PACRG: variants seen among roughly 807,000 people sequenced by gnomAD.
PACRG encodes the protein parkin coregulated, also known as parkin coregulated gene protein.
A neutral mutation model predicts 29.7 loss-of-function variants in PACRG; 29 were observed. The ratio of observed to expected loss-of-function variants is 0.98; its 90% CI spans 0.73 to 1.33. The LOEUF (loss-of-function observed/expected upper bound fraction) is 1.33. PACRG is among the 40% of genes most tolerant of loss of function. The pLI, the probability that PACRG is intolerant of heterozygous loss-of-function variation, is 0.00. For missense variants in PACRG, 279 were observed against 316.2 expected (o/e 0.88, Z 0.89); for synonymous variants, 116 against 118.7 (o/e 0.98, Z 0.15).
chr6:163,010,425 TG>T (rs756298163), intron 2 of PACRG, among the ~76,000 whole-genome samples: 4 of 152,160 alleles, frequency 2.6e-5, no homozygotes, highest in Non-Finnish European at 5.9e-5. Context: ...GGTAGGAGAA[TG>T]GGCCTAAATG....
At chr6:163,063,671 C>T (rs1463727166) in intron 3 of PACRG, among the ~76,000 whole-genome samples, 2 of 152,060 alleles carry the variant, frequency 1.3e-5, no homozygotes, top group African/African-American at 2.4e-5. Flanking sequence ...TCTTTGAGGT[C>T]TCCGTAGAGA....
chr6:163,012,825 C>T (rs142067529), intron 2 of PACRG, among the ~76,000 whole-genome samples: 42 of 152,312 alleles, frequency 2.8e-4, no homozygotes, highest in African/African-American at 8.2e-4. Context: ...CCCTTTTGAA[C>T]GCACAACACA....
chr6:162,882,842 A>C (rs535527103), intron 2 of PACRG, among the ~76,000 whole-genome samples: 1 of 152,278 alleles, frequency 6.6e-6, no homozygotes, highest in South Asian at 2.1e-4. Flanking sequence ...CGTCTTCCCC[A>C]CTTTAGCAGG....
chr6:163,077,224 A>G (rs1374525475), intron 3 of PACRG, among the ~76,000 whole-genome samples: 34 of 152,220 alleles, frequency 2.2e-4, no homozygotes, highest in Admixed American at 2.2e-3. Flanking sequence ...ATTCATCTAC[A>G]TTCTCTCACG....
chr6:163,021,736 C>T (rs769360090), intron 2 of PACRG, among the ~76,000 whole-genome samples: 1 of 152,154 alleles, frequency 6.6e-6, no homozygotes, highest in Non-Finnish European at 1.5e-5. Context: ...TTCAGCTGTC[C>T]CGAATTCTGC....
chr6:163,232,899 C>T (rs988799851), intron 4 of PACRG, among the ~76,000 whole-genome samples: 21 of 152,130 alleles, frequency 1.4e-4, no homozygotes, highest in Non-Finnish European at 2.8e-4. Context: ...CCTCCACCCC[C>T]GAAACCAGCC....
At chr6:163,166,277 CAACAAA>C (rs2128344201) in intron 4 of PACRG, 1 of 418,978 alleles carries the variant, frequency 2.4e-6, no homozygotes, top group East Asian at 7.3e-5. Context: ...TCAACAACAA[CAACAAA>C]AAAATGTAGA....
At chr6:162,952,756 G>A (rs1799748002) in intron 2 of PACRG, among the ~76,000 whole-genome samples, 1 of 152,138 alleles carries the variant, frequency 6.6e-6, no homozygotes, top group African/African-American at 2.4e-5. Context: ...CCTTAGTCTG[G>A]GAAGAGGTAG....
intron 4 of PACRG, among the ~76,000 whole-genome samples, chr6:163,175,484 T>A (rs781566366): frequency 2.4e-4 from 37 of 152,028 alleles, no homozygotes; most frequent in Non-Finnish European, 4.9e-4. Context: ...CCTGTGACTC[T>A]ACTGCTCCTG....
chr6:162,750,206 C>G (rs1232395587), intron 1 of PACRG, among the ~76,000 whole-genome samples: 1 of 152,156 alleles, frequency 6.6e-6, no homozygotes, highest in Non-Finnish European at 1.5e-5. Flanking sequence ...TTATAAGAAA[C>G]CATAAATTTT....
In PACRG at chr6:162,998,061, G is replaced by A. The variant is rs542568742; in HGVS notation, c.292-64089G>A. On this transcript the variant is annotated intron_variant, in intron 2 of 4. Transcript: ENST00000366888. ...GATTGGGATAATAATAGTACCTACC[G>A]TAAAGAATTGTGAAGATGAAATGGG... is the stretch of plus-strand genomic sequence containing the variant. Among the ~76,000 whole-genome samples, 6 of 152,252 alleles carry A rather than the reference G, an allele frequency of 3.9e-5. No homozygotes were observed. The East Asian group carries it at 7.7e-4, about 20-fold the overall frequency.
chr6:162,797,020 T>C (rs1785436214), intron 1 of PACRG, among the ~76,000 whole-genome samples: 1 of 152,228 alleles, frequency 6.6e-6, no homozygotes, highest in Non-Finnish European at 1.5e-5. Context: ...CTCACGCCTG[T>C]AATCCCAGCA....
intron 2 of PACRG, among the ~76,000 whole-genome samples, chr6:162,912,760 T>C (rs1241398493): frequency 6.6e-6 from 1 of 151,696 alleles, no homozygotes; most frequent in Non-Finnish European, 1.5e-5. Flanking sequence ...TTAGTAGAGA[T>C]GGGGTTTCAC....
intron 4 of PACRG, among the ~76,000 whole-genome samples, chr6:163,148,634 G>A (rs1164310035): frequency 1.3e-5 from 2 of 152,100 alleles, no homozygotes; most frequent in Non-Finnish European, 2.9e-5. Flanking sequence ...TCAGAATATG[G>A]AAAATCGGTC....
At chr6:162,791,109 G>C (rs1784897331) in intron 1 of PACRG, among the ~76,000 whole-genome samples, 1 of 152,210 alleles carries the variant, frequency 6.6e-6, no homozygotes, top group Non-Finnish European at 1.5e-5. Flanking sequence ...ATTTATGTAT[G>C]TGATGCTTAT....
intron 4 of PACRG, among the ~76,000 whole-genome samples, chr6:163,250,408 C>T (rs1340853752): frequency 6.6e-6 from 1 of 152,242 alleles, no homozygotes; most frequent in African/African-American, 2.4e-5. Context: ...TTCTGCTCCT[C>T]CACACTGCTT....
chr6:163,263,701 T>C lies in PACRG; in HGVS notation c.614-51126T>C, dbSNP rs183690557. Among the ~76,000 whole-genome samples the C allele has an allele frequency of 3.3e-5, 5 of 152,338 alleles. No homozygotes were observed. In the East Asian group the frequency reaches 9.7e-4, roughly 29 times the overall value. On this transcript the variant is annotated intron_variant, in intron 4 of 4. Coordinates refer to ENST00000366888, the MANE Select transcript of PACRG (RefSeq NM_001080379.2). ...AAGCCTATTACCTAGCAATTTTATA[T>C]TTGAATGCAATTATGTTAATGTTAT...
At chr6:162,729,160 C>G (rs1779543296) in intron 1 of PACRG, among the ~76,000 whole-genome samples, 1 of 152,046 alleles carries the variant, frequency 6.6e-6, no homozygotes, top group African/African-American at 2.4e-5. Flanking sequence ...TTAAACCTTC[C>G]TATTTGTTAA....
At chr6:163,288,280 C>T (rs1184661815) in intron 4 of PACRG, among the ~76,000 whole-genome samples, 1 of 152,166 alleles carries the variant, frequency 6.6e-6, no homozygotes, top group African/African-American at 2.4e-5. Flanking sequence ...TAAAGAAATG[C>T]CCTTCTTTCC....
Sources: gnomAD v4.1 joint callset for allele counts (sites outside exome capture counted in the v4.1 genomes callset) on GRCh38, gnomAD v4.1.1 for gene constraint, MANE v1.5 for transcripts, NCBI Gene and HGNC (gene_info 2026-07-23, HGNC 2026-07-21) for gene names.